Variants in NFATC3 observed in about 807,000 individuals in gnomAD.
The protein encoded by NFATC3 is nuclear factor of activated T cells 3, also known as nuclear factor of activated T-cells, cytoplasmic 3.
Under a neutral mutation model 98.6 loss-of-function variants are expected in NFATC3, and 46 were observed. That is an observed-to-expected ratio of 0.47 (90% CI 0.37 to 0.60). The LOEUF (loss-of-function observed/expected upper bound fraction) is 0.60, where lower values mean the gene tolerates loss of function less well. NFATC3 is among the 20% of genes least tolerant of loss of function. The probability of loss-of-function intolerance (pLI) is 0.00; values close to 1 mark genes in which losing one functional copy is unlikely to be tolerated. For missense variants in NFATC3, 1,256 were observed against 1,295.5 expected (o/e 0.97, Z 0.47); for synonymous variants, 512 against 472.2 (o/e 1.08, Z -1.09).
chr16:68,130,612 A>G (rs1216621410), intron 3 of NFATC3, among the ~76,000 whole-genome samples: 8 of 152,106 alleles, frequency 5.3e-5, no homozygotes, highest in Non-Finnish European at 1.5e-5. Context: ...TTGTCTCCTC[A>G]TTCTGTTATT....
At chr16:68,223,986 C>T (rs546497855) in intron 9 of NFATC3, among the ~76,000 whole-genome samples, 2 of 151,410 alleles carry the variant, frequency 1.3e-5, no homozygotes, top group South Asian at 2.1e-4. Context: ...GGGGCTCATG[C>T]CTGTAATCCC....
At chr16:68,185,287 A>T (rs1011063658) in intron 8 of NFATC3, among the ~76,000 whole-genome samples, 11 of 151,974 alleles carry the variant, frequency 7.2e-5, no homozygotes, top group Non-Finnish European at 1.3e-4. Context: ...CAGGGGTTTA[A>T]TTTTCTTTTT....
At chr16:68,094,591 T>G (rs2034906418) in intron 1 of NFATC3, among the ~76,000 whole-genome samples, 1 of 152,180 alleles carries the variant, frequency 6.6e-6, no homozygotes, top group Non-Finnish European at 1.5e-5. Context: ...GGATTTTCTC[T>G]CTCTCTTGTA....
intron 1 of NFATC3, among the ~76,000 whole-genome samples, chr16:68,093,280 T>C (rs2034827173): frequency 6.6e-6 from 1 of 152,124 alleles, no homozygotes; most frequent in African/African-American, 2.4e-5. Flanking sequence ...GATTCTAGAT[T>C]CATTTCTGTT....
Position 68,122,912 on chromosome 16 carries a change from T to A in NFATC3, c.1029T>A (p.Thr343=). 1 of 1,614,232 alleles carries A rather than the reference T, an allele frequency of 6.2e-7. No individual in the cohort carries two copies. The highest frequency in any genetic ancestry group is 8.5e-7 in the Non-Finnish European group (1 of 1,180,048). Residue 343 remains threonine (T), a synonymous_variant, in exon 2 of 10, where the codon ACT becomes ACA. Transcript: ENST00000346183. ...ACATCCCTCTCAAAACAAGGAAAAC[T>A]TCTGAAGATCAAGCTGCCATACTAC... ...ETDIPLKTRK[T]SEDQAAILPG...
intron 9 of NFATC3, chr16:68,200,791 T>C (rs148339958): frequency 6.6e-6 from 1 of 152,340 alleles, no homozygotes; most frequent in East Asian, 1.9e-4. Flanking sequence ...ATTTTACTCA[T>C]ATTTACAATT....
intron 3 of NFATC3, among the ~76,000 whole-genome samples, chr16:68,156,027 A>T (rs2038594984): frequency 6.6e-6 from 1 of 152,168 alleles, no homozygotes; most frequent in African/African-American, 2.4e-5. Flanking sequence ...TTTTAAGTCA[A>T]ATGGATTGGC....
chr16:68,163,618 G>A (rs1441185648), intron 4 of NFATC3, among the ~76,000 whole-genome samples: 3 of 151,172 alleles, frequency 2.0e-5, no homozygotes, highest in Admixed American at 6.6e-5. Context: ...GGCGGCTGCC[G>A]GGCGGATGGG....
chr16:68,205,414 T>C (rs1270675895), intron 9 of NFATC3, among the ~76,000 whole-genome samples: 1 of 152,076 alleles, frequency 6.6e-6, no homozygotes. Context: ...CACATCCGGC[T>C]AATTTTTAAA....
Position 68,206,581 on chromosome 16 carries a change from A to G in NFATC3, c.3106+14806A>G, listed in dbSNP as rs542190915. 5.3e-5 allele frequency among the ~76,000 whole-genome samples: 8 copies of G among 152,364 alleles called. No homozygotes were observed. In the East Asian group the frequency reaches 1.5e-3, roughly 29 times the overall value. ...TTGTAAGCATACGGAGGAATAATCT[A>G]TTGGAATATTTTTATATAGCATATT... On this transcript the variant is annotated intron_variant, in intron 9 of 9. Transcript: ENST00000346183.
At position 68,140,845 on chromosome 16, in the gene NFATC3, A is replaced by G. The variant is rs114447307; in HGVS notation, c.1401+14235A>G. Among the ~76,000 whole-genome samples the G allele has an allele frequency of 4.4e-3, 664 of 152,260 alleles. 7 individuals carry two copies. The highest frequency in any genetic ancestry group is 0.015 in the African/African-American group (609 of 41,554). ...TGGGGTACAAGTGGTTTTTTGTTAAATGGATGAATTGTGTAGTGGTGAAGT... is the reference window on the plus strand; with the variant it reads ...TGGGGTACAAGTGGTTTTTTGTTAAGTGGATGAATTGTGTAGTGGTGAAGT... On this transcript the variant is annotated intron_variant, in intron 3 of 9. Transcript: ENST00000346183.
chr16:68,105,311 G>A (rs773766143), intron 1 of NFATC3, among the ~76,000 whole-genome samples: 4 of 151,784 alleles, frequency 2.6e-5, no homozygotes, highest in Non-Finnish European at 4.4e-5. Flanking sequence ...GGCTGGTCTC[G>A]AACTCCTGAC....
intron 3 of NFATC3, among the ~76,000 whole-genome samples, chr16:68,135,022 A>T (rs977526122): frequency 6.6e-6 from 1 of 151,958 alleles, no homozygotes; most frequent in African/African-American, 2.4e-5. Context: ...GTGTAGAATT[A>T]TGTAACACTG....
At chr16:68,149,811 A>G (rs996840979) in intron 3 of NFATC3, among the ~76,000 whole-genome samples, 2 of 152,234 alleles carry the variant, frequency 1.3e-5, no homozygotes, top group Non-Finnish European at 2.9e-5. Context: ...TAATAATACT[A>G]AAATAGAAAC....
chr16:68,138,436 C>T, intron 3 of NFATC3: 2 of 1,092,214 alleles, frequency 1.8e-6, no homozygotes, highest in Admixed American at 6.3e-5. Flanking sequence ...CTAATAATCC[C>T]CAATTCTCAG....
intron 3 of NFATC3, among the ~76,000 whole-genome samples, chr16:68,153,465 GC>G (rs1291928696): frequency 6.6e-6 from 1 of 152,104 alleles, no homozygotes; most frequent in Non-Finnish European, 1.5e-5. Flanking sequence ...TGTTTATTGT[GC>G]TACAGCATTA....
intron 1 of NFATC3, among the ~76,000 whole-genome samples, chr16:68,087,142 C>T (rs1205549048): frequency 6.6e-6 from 1 of 152,050 alleles, no homozygotes; most frequent in Non-Finnish European, 1.5e-5. Flanking sequence ...TCTAGATTAT[C>T]GGGACTTGAA....
intron 3 of NFATC3, among the ~76,000 whole-genome samples, chr16:68,150,596 A>G (rs1311945160): frequency 1.3e-5 from 2 of 152,108 alleles, no homozygotes; most frequent in African/African-American, 4.8e-5. Flanking sequence ...AAAAAAAGTG[A>G]TATAATTGAC....
intron 1 of NFATC3, among the ~76,000 whole-genome samples, chr16:68,097,093 C>T (rs1007233744): frequency 6.6e-6 from 1 of 152,094 alleles, no homozygotes; most frequent in South Asian, 2.1e-4. Flanking sequence ...TCAATAGGAC[C>T]TGGTATCCAT....
Sources: allele counts gnomAD v4.1 joint callset (sites outside exome capture counted in the v4.1 genomes callset), GRCh38; gene constraint gnomAD v4.1.1; transcripts MANE v1.5; gene names NCBI Gene and HGNC (gene_info 2026-07-23, HGNC 2026-07-21).